ANKRD52: variants seen among roughly 807,000 people sequenced by gnomAD.
ANKRD52 encodes the protein serine/threonine-protein phosphatase 6 regulatory ankyrin repeat subunit C.
ANKRD52 carries 7 observed loss-of-function variants against 116.0 expected under a neutral mutation model. The observed-to-expected ratio is 0.06, with a 90% CI of 0.03 to 0.11. ANKRD52 has a LOEUF of 0.11. Among genes scored for constraint, ANKRD52 ranks in the 10% least tolerant of loss-of-function variants. The probability of loss-of-function intolerance (pLI) is 1.00; values close to 1 mark genes in which losing one functional copy is unlikely to be tolerated. For synonymous variants in ANKRD52, 528 were observed against 578.1 expected (o/e 0.91, Z 1.24); for missense variants, 839 against 1,408.6 (o/e 0.60, Z 6.47).
At chr12:56,247,395 G>T in intron 20 of ANKRD52, 98 bp downstream of exon 20, 1 of 992,626 alleles carries the variant, frequency 1.0e-6, no homozygotes, top group Non-Finnish European at 1.5e-6. Context: ...CAAAATCCTG[G>T]CTTGCCTCCT....
At position 56,243,666 on chromosome 12, in the gene ANKRD52, G is replaced by A. The variant is rs1228800389; in HGVS notation, c.2980+119C>T. 5.2e-6 allele frequency: 6 copies of A among 1,152,090 alleles called. No individual in the cohort carries two copies. Among genetic ancestry groups the A allele is most frequent in the Non-Finnish European group, 7.4e-6 (6 of 808,130 alleles). The allele number at this position is 1,152,090 out of a possible 1,614,324, so 71.4% of individuals were successfully genotyped here. ...TCCAGAGTACTGGTGTGGGCTCCCT[G>A]CTCTGAAGAGTTCCCTTGGGAAGAA... On this transcript the variant is annotated intron_variant, in intron 27 of 27. Coordinates refer to ENST00000267116, the MANE Select transcript of ANKRD52 (RefSeq NM_173595.4). The surrounding 1 kb of genome is among the most constrained non-coding windows in gnomAD (Gnocchi z 4.6).
Position 56,245,396 on chromosome 12 carries a change from C to G in ANKRD52, c.2385G>C (p.Met795Ile). Residue 795 changes from methionine to isoleucine, a missense_variant, in exon 21 of 28, where the codon ATG becomes ATC. This residue lies in a region of ANKRD52 where 552 missense variants were observed against 810.6 expected (regional missense o/e 0.68). Coordinates refer to ENST00000267116, the MANE Select transcript of ANKRD52 (RefSeq NM_173595.4). Reference sequence around the variant, plus strand: ...TAGTACCAGTGTAGGAGGCCCAGTGCATGGGCGAGTATCCGCTGTAATCCA... The same window carrying G: ...TAGTACCAGTGTAGGAGGCCCAGTGGATGGGCGAGTATCCGCTGTAATCCA... The part of the protein sequence containing the change: ...AGVDYSGYSP[M>I]HWASYTGHED... The G allele has an allele frequency of 6.2e-7, 1 of 1,612,334 alleles. No homozygotes were observed. Among genetic ancestry groups the G allele is most frequent in the Non-Finnish European group, 8.5e-7 (1 of 1,179,330 alleles).
In ANKRD52 at chr12:56,242,391, T is replaced by C. The variant is rs1871203431; in HGVS notation, c.*751A>G. 1 of 378,080 alleles carries C rather than the reference T, an allele frequency of 2.6e-6. No individual in the cohort carries two copies. Among genetic ancestry groups the C allele is most frequent in the Non-Finnish European group, 4.7e-6 (1 of 213,810 alleles). 23.4% of individuals were successfully genotyped at this position (378,080 alleles called of 1,614,324 possible). On this transcript the variant is annotated 3_prime_UTR_variant, in exon 28 of 28. Transcript: ENST00000267116. This position sits in a 1 kb window ranked among gnomAD's most constrained non-coding sequence, Gnocchi z 4.3. ...AAGAAAGAAGCAAGGTTAAAGTGCG[T>C]GGTTAGGGGCCAGGCTAGGAGTGGG...
At position 56,252,491 on chromosome 12, in the gene ANKRD52, T is replaced by A. The variant is rs547361477; in HGVS notation, c.1370+11A>T. ...GATATTCCCTATGTTTACCCCTGCA[T>A]ATTAGCATACCTGCCAAATTTGTCC... On this transcript the variant is annotated intron_variant, in intron 13 of 27. Coordinates refer to ENST00000267116, the MANE Select transcript of ANKRD52 (RefSeq NM_173595.4). The surrounding 1 kb of genome is among the most constrained non-coding windows in gnomAD (Gnocchi z 4.7). 11 of 1,612,602 alleles carry A rather than the reference T, an allele frequency of 6.8e-6. No homozygotes were observed. The South Asian group carries it at 9.9e-5, about 14-fold the overall frequency.
chr12:56,247,092 C>A (rs1871444025), intron 20 of ANKRD52, among the ~76,000 whole-genome samples: 1 of 151,202 alleles, frequency 6.6e-6, no homozygotes. Flanking sequence ...TGCCTGTAAT[C>A]CCAGCACTTC....
Position 56,247,667 on chromosome 12 carries a change from C to A in ANKRD52, c.2066+20G>T. ...CCGCAAGGACTGGAAAACCTGCACC[C>A]CACCCTGGCCCACACTCACTGTCCA... On this transcript the variant is annotated intron_variant, in intron 19 of 27. Coordinates refer to ENST00000267116, the MANE Select transcript of ANKRD52 (RefSeq NM_173595.4). 1 of 1,605,012 alleles carries A rather than the reference C, an allele frequency of 6.2e-7. No homozygotes were observed. The highest frequency in any genetic ancestry group is 8.5e-7 in the Non-Finnish European group (1 of 1,175,682).
chr12:56,251,667 C>A (rs1592392795), intron 15 of ANKRD52, among the ~76,000 whole-genome samples: 1 of 149,734 alleles, frequency 6.7e-6, no homozygotes, highest in South Asian at 2.1e-4. Flanking sequence ...CTCAAGAAGA[C>A]CAGCCGGGCG....
In ANKRD52 at chr12:56,248,748, C is replaced by G. The variant is rs780757663; in HGVS notation, c.1704+11G>C. 48 of 1,601,458 alleles carry G rather than the reference C, an allele frequency of 3.0e-5. 1 individual carries two copies. Among genetic ancestry groups the G allele is most frequent in the Non-Finnish European group, 2.6e-5 (31 of 1,172,468 alleles). ...TGCCTCCCCTCCTGCAGGCCGGGCC[C>G]CAACACATACCAGTTCGAGGTTCTG... On this transcript the variant is annotated intron_variant, in intron 16 of 27. Coordinates refer to ENST00000267116, the MANE Select transcript of ANKRD52 (RefSeq NM_173595.4). This position sits in a 1 kb window ranked among gnomAD's most constrained non-coding sequence, Gnocchi z 5.1.
In ANKRD52 at chr12:56,257,557, C is replaced by T. The variant is rs1872016778; in HGVS notation, c.112-196G>A. Among the ~76,000 whole-genome samples, 4 of 151,962 alleles carry T rather than the reference C, an allele frequency of 2.6e-5. No homozygotes were observed. The South Asian group carries it at 8.3e-4, about 32-fold the overall frequency. On this transcript the variant is annotated intron_variant, in intron 2 of 27. Transcript: ENST00000267116. The stretch of plus-strand genomic sequence containing the variant: ...AGTCAGGGCCAATGGGCTGAGAAGC[C>T]GGCTCCTTTTTCCAGGAGGGGTGGG...
At position 56,258,361 on chromosome 12, in the gene ANKRD52, T is replaced by G; in HGVS notation, c.-92A>C. 1 of 1,343,288 alleles carries G rather than the reference T, an allele frequency of 7.4e-7. No homozygotes were observed. Among genetic ancestry groups the G allele is most frequent in the South Asian group, 1.8e-5 (1 of 54,846 alleles). 83.2% of individuals were successfully genotyped at this position (1,343,288 alleles called of 1,614,324 possible). A position where few individuals can be genotyped will look rare whatever the true frequency, so the allele number is the denominator to read the frequency against. On this transcript the variant is annotated 5_prime_UTR_variant, in exon 1 of 28. Transcript: ENST00000267116. ...GGAGCGGCCCAGGCGGCGGCTGCGGTGGCGGCTGCAGGGAGAGCGCGGCCC... is the reference window on the plus strand; with the variant it reads ...GGAGCGGCCCAGGCGGCGGCTGCGGGGGCGGCTGCAGGGAGAGCGCGGCCC...
In ANKRD52 at chr12:56,244,822, T is replaced by C; in HGVS notation, c.2577-25A>G. ...CCTGTAAGGCAGGGATCAGGGTAGATTAAAATAGGGAAGAGTATACTGCCC... is the reference window on the plus strand; with the variant it reads ...CCTGTAAGGCAGGGATCAGGGTAGACTAAAATAGGGAAGAGTATACTGCCC... On this transcript the variant is annotated intron_variant, in intron 23 of 27. Coordinates refer to ENST00000267116, the MANE Select transcript of ANKRD52 (RefSeq NM_173595.4). This position sits in a 1 kb window ranked among gnomAD's most constrained non-coding sequence, Gnocchi z 4.9. 1 of 1,613,452 alleles carries C rather than the reference T, an allele frequency of 6.2e-7. No individual in the cohort carries two copies. Among genetic ancestry groups the C allele is most frequent in the Non-Finnish European group, 8.5e-7 (1 of 1,179,760 alleles).
chr12:56,247,364 A>AAT, intron 20 of ANKRD52, 129 bp downstream of exon 20: 1 of 752,614 alleles, frequency 1.3e-6, no homozygotes, highest in Non-Finnish European at 2.1e-6. Context: ...AAAAAAAAAA[A>AAT]GAAAAAGAAA....
rs1592395376 is a variant in ANKRD52, at chr12:56,255,191, C to A, written c.463-239G>T. The A allele has an allele frequency of 1.0e-5, 4 of 388,990 alleles. No homozygotes were observed. Among genetic ancestry groups the A allele is most frequent in the South Asian group, 5.2e-5 (1 of 19,360 alleles). 24.1% of individuals were successfully genotyped at this position (388,990 alleles called of 1,614,324 possible). A position where few individuals can be genotyped will look rare whatever the true frequency, so the allele number is the denominator to read the frequency against. ...TTCAGGTGATCTGGTGGTTCTTAAA[C>A]TCTTTTTTTTTTTTTTTTTGAGACA... On this transcript the variant is annotated intron_variant, in intron 5 of 27. Coordinates refer to ENST00000267116, the MANE Select transcript of ANKRD52 (RefSeq NM_173595.4). This position sits in a 1 kb window ranked among gnomAD's most constrained non-coding sequence, Gnocchi z 4.3.
At position 56,243,214 on chromosome 12, in the gene ANKRD52, G is replaced by C; in HGVS notation, c.3159C>G (p.Pro1053=). The change falls in exon 28 of 28, where the codon CCC becomes CCG. Residue 1053 remains proline, a synonymous_variant. Transcript: ENST00000267116. This position sits in a 1 kb window ranked among gnomAD's most constrained non-coding sequence, Gnocchi z 4.6. ...GGCTGTAGGGGCAGGAGGCCCCATG[G>C]GGCAGGGCGCCGCAGCCACCCACCG... ...AKTVGGCGAL[P]HGASCPYSQE... is the part of the protein sequence containing the mutation. 1 of 1,613,432 alleles carries C rather than the reference G, an allele frequency of 6.2e-7. No homozygotes were observed. Among genetic ancestry groups the C allele is most frequent in the Non-Finnish European group, 8.5e-7 (1 of 1,179,696 alleles).
Position 56,245,596 on chromosome 12 carries a change from C to A in ANKRD52, c.2185G>T (p.Ala729Ser). The change falls in exon 21 of 28, where the codon GCA becomes TCA. Residue 729 changes from alanine (A) to serine (S), a missense_variant and splice_region_variant. Physicochemically the swap from Ala to Ser is moderately conservative, Grantham distance 99. Coordinates refer to ENST00000267116, the MANE Select transcript of ANKRD52 (RefSeq NM_173595.4). ...LRGRTALHRG[A>S]VTGCEDCLAA... ...AGGCAGTCCTCACAGCCAGTCACTG[C>A]CTGTGAGTAACATGGGGGTGTGAGG... 6.2e-7 allele frequency: 1 copy of A among 1,604,260 alleles called. No homozygotes were observed.
chr12:56,247,363 A>T, intron 20 of ANKRD52, 130 bp downstream of exon 20: 1 of 766,850 alleles, frequency 1.3e-6, no homozygotes, highest in Non-Finnish European at 2.0e-6. Context: ...AAAAAAAAAA[A>T]AGAAAAAGAA....
In ANKRD52 at chr12:56,247,506, G is replaced by T; in HGVS notation, c.2171C>A (p.Ala724Asp). The change falls in exon 20 of 28, where the codon GCC becomes GAC. Residue 724 changes from alanine (A) to aspartate (D), a missense_variant. Around this residue, in one of 2 missense-constraint regions of ANKRD52, gnomAD observed 552 missense variants for 810.6 expected, o/e 0.68. Coordinates refer to ENST00000267116, the MANE Select transcript of ANKRD52 (RefSeq NM_173595.4). ...AAGCTCACTCACCCCGCGGTGGAGG[G>T]CAGTGCGGCCCCGGAGGTCAGCAGC... The part of the protein sequence containing the change: ...ADAADLRGRT[A>D]LHRGAVTGCE... 6.3e-7 allele frequency: 1 copy of T among 1,582,898 alleles called. No homozygotes were observed. Among genetic ancestry groups the T allele is most frequent in the Non-Finnish European group, 8.6e-7 (1 of 1,163,762 alleles).
rs1308001637 is a variant in ANKRD52 at position 56,255,509 on chromosome 12, G to A, written c.462+275C>T. ...CCGGCCGGTTCTTAAACTCTTGTAA[G>A]TCTTTGCAAATGTGCTGAAAGACAT... On this transcript the variant is annotated intron_variant, in intron 5 of 27. Coordinates refer to ENST00000267116, the MANE Select transcript of ANKRD52 (RefSeq NM_173595.4). The surrounding 1 kb of genome is among the most constrained non-coding windows in gnomAD (Gnocchi z 4.3). Among the ~76,000 whole-genome samples the A allele has an allele frequency of 1.3e-5, 2 of 152,230 alleles. No homozygotes were observed. The highest frequency in any genetic ancestry group is 2.9e-5 in the Non-Finnish European group (2 of 68,044).
At position 56,252,109 on chromosome 12, in the gene ANKRD52, A is replaced by G. The variant is rs370630849; in HGVS notation, c.1512-14T>C. 1 of 1,613,784 alleles carries G rather than the reference A, an allele frequency of 6.2e-7. No individual in the cohort carries two copies. The highest frequency in any genetic ancestry group is 8.5e-7 in the Non-Finnish European group (1 of 1,179,826). ...TGGGGTTCCGCTCTGGGGAAGAGAG[A>G]GAGAAAGTTAGGGCCAGGCTCAGGG... On this transcript the variant is annotated splice_polypyrimidine_tract_variant and intron_variant, in intron 14 of 27. Coordinates refer to ENST00000267116, the MANE Select transcript of ANKRD52 (RefSeq NM_173595.4). The surrounding 1 kb of genome is among the most constrained non-coding windows in gnomAD (Gnocchi z 4.7).
Sources: gnomAD v4.1 joint callset for allele counts (sites outside exome capture counted in the v4.1 genomes callset) on GRCh38, gnomAD v4.1.1 for gene constraint, gnomAD v4.1.1 regional missense constraint, Gnocchi (gnomAD v3.1) non-coding constraint, MANE v1.5 for transcripts, NCBI Gene and HGNC (gene_info 2026-07-23, HGNC 2026-07-21) for gene names.